The following WBP1L variants were observed in gnomAD, a reference collection of about 807,000 sequenced individuals.
WBP1L encodes WW domain binding protein 1 like.
In WBP1L, 17 loss-of-function variants were observed where a neutral mutation model predicts 33.7. The observed-to-expected ratio is 0.50, with a 90% CI of 0.34 to 0.76. The LOEUF (loss-of-function observed/expected upper bound fraction) is 0.76, where lower values mean the gene tolerates loss of function less well. Among genes scored for constraint, WBP1L ranks in the 30% least tolerant of loss-of-function variants. The probability of loss-of-function intolerance (pLI) is 0.01; values close to 1 mark genes in which losing one functional copy is unlikely to be tolerated. For missense variants in WBP1L, 389 were observed against 469.4 expected (o/e 0.83, Z 1.58); for synonymous variants, 173 against 190.8 (o/e 0.91, Z 0.77).
chr10:102,770,178 T>C (rs1428799429), intron 1 of WBP1L, among the ~76,000 whole-genome samples: 1 of 152,246 alleles, frequency 6.6e-6, no homozygotes, highest in African/African-American at 2.4e-5. Flanking sequence ...ACCCATGACA[T>C]GAAGATGTCT....
chr10:102,766,231 C>G (rs949564628), intron 1 of WBP1L, among the ~76,000 whole-genome samples: 53 of 151,776 alleles, frequency 3.5e-4, no homozygotes, highest in African/African-American at 1.3e-3. Context: ...CACCTCAGGT[C>G]GGGAGTTTGA....
At chr10:102,758,975 A>G (rs1843008036) in intron 1 of WBP1L, among the ~76,000 whole-genome samples, 1 of 152,194 alleles carries the variant, frequency 6.6e-6, no homozygotes, top group Non-Finnish European at 1.5e-5. Context: ...TACGAACTTC[A>G]AAGAGGAACC....
chr10:102,798,726 T>A (rs1437167196), intron 2 of WBP1L, among the ~76,000 whole-genome samples: 1 of 152,202 alleles, frequency 6.6e-6, no homozygotes, highest in African/African-American at 2.4e-5. Flanking sequence ...CCTGGCTGGC[T>A]TGCTGTTTTT....
chr10:102,755,272 G>GT (rs1274073765), intron 1 of WBP1L, among the ~76,000 whole-genome samples: 1 of 151,732 alleles, frequency 6.6e-6, no homozygotes, highest in African/African-American at 2.4e-5. Flanking sequence ...TAGAGGTAGG[G>GT]TCTTGCTATG....
intron 1 of WBP1L, among the ~76,000 whole-genome samples, chr10:102,775,507 A>G (rs1365502923): frequency 2.6e-5 from 4 of 152,208 alleles, no homozygotes; most frequent in Non-Finnish European, 5.9e-5. Flanking sequence ...CTTTCTGGCA[A>G]CTTGGAGGCT....
chr10:102,776,157 A>C (rs1207511999), intron 1 of WBP1L: 1 of 1,412,574 alleles, frequency 7.1e-7, no homozygotes. Context: ...CGTCTGAGAT[A>C]TGTCACGAGA....
intron 1 of WBP1L, among the ~76,000 whole-genome samples, chr10:102,767,683 T>C (rs1843130227): frequency 6.6e-6 from 1 of 152,166 alleles, no homozygotes; most frequent in Non-Finnish European, 1.5e-5. Flanking sequence ...CATCTGTATC[T>C]TCCTTCCACC....
rs1050262174 is a variant in WBP1L at position 102,761,808 on chromosome 10, G to A, written c.90+17665G>A. Among the ~76,000 whole-genome samples the A allele has an allele frequency of 2.6e-5, 4 of 151,852 alleles. No individual in the cohort carries two copies. The East Asian group carries it at 7.7e-4, about 29-fold the overall frequency. On this transcript the variant is annotated intron_variant, in intron 1 of 3. Transcript: ENST00000448841. ...AGGTGATCCACCCACCTCGGCCTCC[G>A]AAAGTGCTGGGATTATAAGTGTGAG...
intron 2 of WBP1L, among the ~76,000 whole-genome samples, chr10:102,809,173 G>A (rs538429791): frequency 6.6e-6 from 1 of 151,906 alleles, no homozygotes; most frequent in African/African-American, 2.4e-5. Context: ...CGCCTCCTGG[G>A]TTCAAGCAAT....
intron 1 of WBP1L, among the ~76,000 whole-genome samples, chr10:102,773,926 A>G (rs918102285): frequency 2.6e-5 from 4 of 151,970 alleles, no homozygotes; most frequent in African/African-American, 9.7e-5. Context: ...AGCAAGGTTT[A>G]TTGTGTGTTT....
intron 2 of WBP1L, among the ~76,000 whole-genome samples, chr10:102,807,789 TA>T (rs1229164456): frequency 1.3e-5 from 2 of 152,148 alleles, no homozygotes; most frequent in Admixed American, 6.6e-5. Flanking sequence ...AGTAATTTTT[TA>T]ATGATTCATA....
chr10:102,810,092 C>T (rs1428203733), intron 3 of WBP1L, 38 bp downstream of exon 3: 3 of 1,573,082 alleles, frequency 1.9e-6, no homozygotes, highest in South Asian at 1.2e-5. Flanking sequence ...CCCTCAGGAG[C>T]TCAGGTGCAC....
intron 1 of WBP1L, among the ~76,000 whole-genome samples, chr10:102,782,853 G>A (rs1277439001): frequency 6.6e-6 from 1 of 152,206 alleles, no homozygotes; most frequent in Non-Finnish European, 1.5e-5. Context: ...AGGGTTTGCC[G>A]GGACTGTGTT....
At position 102,815,947 on chromosome 10, in the gene WBP1L, T is replaced by C. The variant is rs1843935634; in HGVS notation, c.*2616T>C. On this transcript the variant is annotated 3_prime_UTR_variant, in exon 4 of 4. Coordinates refer to ENST00000448841, the MANE Select transcript of WBP1L (RefSeq NM_001083913.2). ...GGATGCTGCCCTGCTCAGAGAGAGA[T>C]TTAATAGGGAGCTGAAGGAATCGTT... is the stretch of plus-strand genomic sequence containing the variant. 6.6e-6 allele frequency: 1 copy of C among 152,404 alleles called. No homozygotes were observed. Among genetic ancestry groups the C allele is most frequent in the Non-Finnish European group, 1.5e-5 (1 of 67,996 alleles). The allele number at this position is 152,404 out of a possible 1,614,324, so 9.4% of individuals were successfully genotyped here. A position where few individuals can be genotyped will look rare whatever the true frequency, so the allele number is the denominator to read the frequency against.
intron 2 of WBP1L, among the ~76,000 whole-genome samples, chr10:102,799,098 T>C (rs1333357287): frequency 1.3e-5 from 2 of 152,152 alleles, no homozygotes; most frequent in African/African-American, 4.8e-5. Context: ...GGCCAAGGCA[T>C]GTGGATCACT....
intron 2 of WBP1L, among the ~76,000 whole-genome samples, chr10:102,799,382 A>G (rs1843619545): frequency 6.6e-6 from 1 of 151,636 alleles, no homozygotes; most frequent in Non-Finnish European, 1.5e-5. Context: ...CACTGGTTTG[A>G]CTGAAGCCAG....
At chr10:102,764,110 G>A (rs1341637465) in intron 1 of WBP1L, among the ~76,000 whole-genome samples, 1 of 152,084 alleles carries the variant, frequency 6.6e-6, no homozygotes, top group Admixed American at 6.6e-5. Flanking sequence ...CACCACGCCC[G>A]GCCTTCTCTG....
At chr10:102,753,219 T>TA (rs754362796) in intron 1 of WBP1L, among the ~76,000 whole-genome samples, 5 of 152,086 alleles carry the variant, frequency 3.3e-5, no homozygotes, top group Non-Finnish European at 7.3e-5. Context: ...TAGCTAGGAC[T>TA]ACAGGCACAC....
chr10:102,757,613 T>C (rs1842992681), intron 1 of WBP1L, among the ~76,000 whole-genome samples: 1 of 138,776 alleles, frequency 7.2e-6, no homozygotes, highest in Admixed American at 8.0e-5. Flanking sequence ...GCTCTCCCTG[T>C]GTCACCCAGG....
Sources: allele counts gnomAD v4.1 joint callset (sites outside exome capture counted in the v4.1 genomes callset), GRCh38; gene constraint gnomAD v4.1.1; transcripts MANE v1.5; gene names NCBI Gene and HGNC (gene_info 2026-07-23, HGNC 2026-07-21).